The following NOTCH2 variants were observed in gnomAD, a reference collection of about 807,000 sequenced individuals.
NOTCH2 encodes neurogenic locus notch homolog protein 2.
A neutral mutation model predicts 235.8 loss-of-function variants in NOTCH2; 29 were observed. The ratio of observed to expected loss-of-function variants is 0.12; its 90% CI spans 0.09 to 0.17. The LOEUF (loss-of-function observed/expected upper bound fraction) is 0.17. Ranked by LOEUF, NOTCH2 falls within the 10% of genes least tolerant of loss-of-function variation. NOTCH2 has a pLI of 1.00. For missense variants in NOTCH2, 2,285 were observed against 3,150.2 expected, an observed-to-expected ratio of 0.73 and a Z score of 6.57; for synonymous variants, 1,086 against 1,141.5, an observed-to-expected ratio of 0.95 and a Z score of 0.98.
At chr1:119,951,356 T>C (rs1247956218) in intron 14 of NOTCH2, among the ~76,000 whole-genome samples, 1 of 152,162 alleles carries the variant, frequency 6.6e-6, no homozygotes, top group African/African-American at 2.4e-5. Flanking sequence ...CTCGTTATGT[T>C]GCCTAGGCTG....
chr1:119,955,134 G>A lies in NOTCH2; in HGVS notation c.2125C>T (p.Pro709Ser), dbSNP rs1650635286. The A allele has an allele frequency of 6.2e-7, 1 of 1,614,084 alleles. No homozygotes were observed. Residue 709 changes from proline (P) to serine (S), a missense_variant, in exon 13 of 34, where the codon CCC becomes TCC. Physicochemically the swap from Pro to Ser is moderately conservative, Grantham distance 74 (BLOSUM62 -1). This residue lies in a region of NOTCH2 where 1,173 missense variants were observed against 1,515.3 expected (regional missense o/e 0.77). Coordinates refer to ENST00000256646, the MANE Select transcript of NOTCH2 (RefSeq NM_024408.4). ...NGVNGFRCICPEGPHHPSCYS... is the reference protein window; with the variant it reads ...NGVNGFRCICSEGPHHPSCYS... Reference sequence around the variant, plus strand: ...CAGCTGGGGTGATGGGGTCCCTCGGGGCATATACAGCGGAAACCATTCACA... The same window carrying A: ...CAGCTGGGGTGATGGGGTCCCTCGGAGCATATACAGCGGAAACCATTCACA...
At chr1:119,948,646 T>C in intron 16 of NOTCH2, 80 bp from the exon 17 acceptor site, 1 of 1,504,760 alleles carries the variant, frequency 6.6e-7, no homozygotes, top group South Asian at 1.1e-5. Flanking sequence ...TGAGCTTAGT[T>C]GGGGTGCATG....
chr1:120,037,734 C>A (rs1654370148), intron 1 of NOTCH2, among the ~76,000 whole-genome samples: 1 of 150,646 alleles, frequency 6.6e-6, no homozygotes, highest in Non-Finnish European at 1.5e-5. Flanking sequence ...TAATAGTGTT[C>A]CAAGGATTTA....
At chr1:120,003,504 C>G (rs1196844732) in intron 3 of NOTCH2, among the ~76,000 whole-genome samples, 1 of 152,032 alleles carries the variant, frequency 6.6e-6, no homozygotes, top group Non-Finnish European at 1.5e-5. Context: ...GTATTCTACA[C>G]TAACTGATCC....
At chr1:120,060,289 G>GA (rs1553215988) in intron 1 of NOTCH2, among the ~76,000 whole-genome samples, 1 of 142,716 alleles carries the variant, frequency 7.0e-6, no homozygotes, top group Non-Finnish European at 1.5e-5. Flanking sequence ...CTGATGATAT[G>GA]AAAAAACATT....
In NOTCH2 at chr1:120,000,088, A is replaced by G. The variant is rs587659293; in HGVS notation, c.416-2756T>C. Among the ~76,000 whole-genome samples the G allele has an allele frequency of 3.9e-5, 6 of 152,256 alleles. No homozygotes were observed. In the South Asian group the frequency reaches 1.0e-3, roughly 26 times the overall value. On this transcript the variant is annotated intron_variant, in intron 3 of 33. Coordinates refer to ENST00000256646, the MANE Select transcript of NOTCH2 (RefSeq NM_024408.4). ...AATTTGGTTTCCATATATATTATGT[A>G]TAGGCACTAACTTGCTGCCTCTGCT...
At chr1:119,936,813 T>C (rs1649866286) in intron 21 of NOTCH2, among the ~76,000 whole-genome samples, 2 of 152,180 alleles carry the variant, frequency 1.3e-5, no homozygotes, top group African/African-American at 4.8e-5. Context: ...AATATATACA[T>C]GTAACGTTTA....
chr1:120,045,966 C>T (rs1654770844), intron 1 of NOTCH2, among the ~76,000 whole-genome samples: 1 of 152,246 alleles, frequency 6.6e-6, no homozygotes, highest in Non-Finnish European at 1.5e-5. Context: ...AACATATAAG[C>T]TTTACTTAGA....
Position 119,912,935 on chromosome 1 carries a change from A to G in NOTCH2, c.*2371T>C, listed in dbSNP as rs587755398. ...AGGATCCAAATTAAAGTAGTCCAAG[A>G]AAAAGAAACAAGCAATTTGGTCTGA... On this transcript the variant is annotated 3_prime_UTR_variant, in exon 34 of 34. Coordinates refer to ENST00000256646, the MANE Select transcript of NOTCH2 (RefSeq NM_024408.4). The G allele has an allele frequency of 1.2e-4, 27 of 233,590 alleles. No individual in the cohort carries two copies. Among genetic ancestry groups the G allele is most frequent in the East Asian group, 1.0e-3 (17 of 16,574 alleles). 14.5% of individuals were successfully genotyped at this position (233,590 alleles called of 1,614,324 possible). A position where few individuals can be genotyped will look rare whatever the true frequency, so the allele number is the denominator to read the frequency against.
chr1:119,948,524 G>A lies in NOTCH2; in HGVS notation c.2642C>T (p.Pro881Leu), dbSNP rs782728045. The A allele has an allele frequency of 5.0e-6, 8 of 1,614,128 alleles. No individual in the cohort carries two copies. In the Admixed American group the frequency reaches 1.3e-4, roughly 27 times the overall value. ...TIDIDECISK[P>L]CMNHGLCHNT... ...ATGGCAGAGACCATGGTTCATGCAG[G>A]GCTTGGAGATACACTCGTCAATGTC... The change falls in exon 17 of 34, where the codon CCC becomes CTC. Residue 881 changes from proline (P) to leucine (L), a missense_variant. Pro to Leu is a moderately conservative substitution (Grantham distance 98, BLOSUM62 -3). Around this residue, in one of 6 missense-constraint regions of NOTCH2, gnomAD observed 1,173 missense variants for 1,515.3 expected, o/e 0.77. Coordinates refer to ENST00000256646, the MANE Select transcript of NOTCH2 (RefSeq NM_024408.4).
rs1652501063 is a variant in NOTCH2 at position 119,997,223 on chromosome 1, T to G, written c.525A>C (p.Thr175=). Residue 175 remains threonine, a synonymous_variant, in exon 4 of 34, where the codon ACA becomes ACC. Coordinates refer to ENST00000256646, the MANE Select transcript of NOTCH2 (RefSeq NM_024408.4). ...TGACATCAGTCTCACATTTCTGCCCTGTGAAGCCTGTGAGGCATTTGCAGG... is the reference window on the plus strand; with the variant it reads ...TGACATCAGTCTCACATTTCTGCCCGGTGAAGCCTGTGAGGCATTTGCAGG... ...QFSCKCLTGF[T]GQKCETDVNE... 2 of 1,613,878 alleles carry G rather than the reference T, an allele frequency of 1.2e-6. No individual in the cohort carries two copies. The highest frequency in any genetic ancestry group is 1.7e-6 in the Non-Finnish European group (2 of 1,179,876).
rs886044112 is a variant in NOTCH2 at position 119,925,422 on chromosome 1, T to C, written c.4394A>G (p.Asn1465Ser). The C allele has an allele frequency of 3.7e-6, 6 of 1,614,028 alleles. No individual in the cohort carries two copies. In the South Asian group the frequency reaches 4.4e-5, roughly 12 times the overall value. The change falls in exon 25 of 34, where the codon AAC becomes AGC. Residue 1465 changes from asparagine (N) to serine (S), a missense_variant. Transcript: ENST00000256646. ...CCAGCAGGGAAGTGGGGAGGAGCAG[T>C]TGGCCCAGGGGTTCTCCATGGTGAG... is the stretch of plus-strand genomic sequence containing the variant. The part of the protein sequence containing the change: ...CSLTMENPWA[N>S]CSSPLPCWDY...
intron 5 of NOTCH2, among the ~76,000 whole-genome samples, chr1:119,984,210 G>T (rs1008743920): frequency 6.6e-6 from 1 of 152,096 alleles, no homozygotes; most frequent in Non-Finnish European, 1.5e-5. Context: ...TCAGGATAAT[G>T]AAATTTTCAG....
rs1649290401 is a variant in NOTCH2 at position 119,921,742 on chromosome 1, C to G, written c.5281G>C (p.Asp1761His). 2 of 1,614,210 alleles carry G rather than the reference C, an allele frequency of 1.2e-6. No homozygotes were observed. The highest frequency in any genetic ancestry group is 2.2e-5 in the East Asian group (1 of 44,888). ...ACTTTCTTTGGCTGGGGCCCTTCAT[C>G]ATCGACCCAGTGTTCACTTGTTCCA... ...GTGTSEHWVDDEGPQPKKVKA... is the reference protein window; with the variant it reads ...GTGTSEHWVDHEGPQPKKVKA... The change falls in exon 29 of 34, where the codon GAT becomes CAT. Residue 1761 changes from aspartate to histidine, a missense_variant. Physicochemically the swap from Asp to His is moderately conservative, Grantham distance 81 (BLOSUM62 -1). Coordinates refer to ENST00000256646, the MANE Select transcript of NOTCH2 (RefSeq NM_024408.4).
intron 11 of NOTCH2, among the ~76,000 whole-genome samples, chr1:119,960,630 A>G (rs1225500726): frequency 6.6e-6 from 1 of 151,998 alleles, no homozygotes; most frequent in Non-Finnish European, 1.5e-5. Context: ...AAAACAAAAC[A>G]TCCAGGATAA....
rs1386148793 is a variant in NOTCH2, at chr1:119,948,481, G to A, written c.2685C>T (p.Tyr895=). ...TGAAGCCTGGTGGACATTCACACAT[G>A]TAGCTGCCCTGGGTGTTATGGCAGA... is the stretch of plus-strand genomic sequence containing the variant. ...HGLCHNTQGS[Y]MCECPPGFSG... The change falls in exon 17 of 34, where the codon TAC becomes TAT. Residue 895 remains tyrosine (Y), a synonymous_variant. Coordinates refer to ENST00000256646, the MANE Select transcript of NOTCH2 (RefSeq NM_024408.4). 4 of 1,614,098 alleles carry A rather than the reference G, an allele frequency of 2.5e-6. No homozygotes were observed. The highest frequency in any genetic ancestry group is 1.7e-5 in the Admixed American group (1 of 60,004).
Position 119,949,570 on chromosome 1 carries a change from T to C in NOTCH2, c.2480-444A>G, listed in dbSNP as rs587610371. Among the ~76,000 whole-genome samples, 3 of 152,096 alleles carry C rather than the reference T, an allele frequency of 2.0e-5. No homozygotes were observed. The East Asian group carries it at 5.8e-4, about 30-fold the overall frequency. On this transcript the variant is annotated intron_variant, in intron 15 of 33. Coordinates refer to ENST00000256646, the MANE Select transcript of NOTCH2 (RefSeq NM_024408.4). Reference sequence around the variant, plus strand: ...CCCGGCTAATTTTTTATATTTTTAGTAGAGACGGGGTTTCACCATGTTAGC... The same window carrying C: ...CCCGGCTAATTTTTTATATTTTTAGCAGAGACGGGGTTTCACCATGTTAGC...
intron 19 of NOTCH2, 137 bp downstream of exon 19, chr1:119,940,418 T>G (rs587604620): frequency 2.1e-5 from 16 of 744,308 alleles, no homozygotes; most frequent in Non-Finnish European, 3.2e-5. Flanking sequence ...TATTAAGAAG[T>G]TACCTAGATT....
At chr1:119,965,666 G>A in intron 9 of NOTCH2, 100 bp from the exon 10 acceptor site, 1 of 855,442 alleles carries the variant, frequency 1.2e-6, no homozygotes, top group Non-Finnish European at 2.0e-6. Flanking sequence ...ATACCAATGG[G>A]TCAATAAGCC....
Sources: gnomAD v4.1 joint callset for allele counts (sites outside exome capture counted in the v4.1 genomes callset) on GRCh38, gnomAD v4.1.1 for gene constraint, gnomAD v4.1.1 regional missense constraint, MANE v1.5 for transcripts, NCBI Gene and HGNC (gene_info 2026-07-23, HGNC 2026-07-21) for gene names.